Variants in FAM193A observed in about 807,000 individuals in gnomAD.
FAM193A encodes protein FAM193A.
Under a neutral mutation model 126.5 loss-of-function variants are expected in FAM193A, and 22 were observed. The observed-to-expected ratio is 0.17, with a 90% CI of 0.12 to 0.25. The LOEUF (loss-of-function observed/expected upper bound fraction) is 0.25, where lower values mean the gene tolerates loss of function less well. Ranked by LOEUF, FAM193A falls within the 10% of genes least tolerant of loss-of-function variation. The pLI, the probability that FAM193A is intolerant of heterozygous loss-of-function variation, is 1.00. For missense variants in FAM193A, 1,675 were observed against 1,672.8 expected (o/e 1.00, Z -0.02); for synonymous variants, 761 against 646.8 (o/e 1.18, Z -2.68).
intron 7 of FAM193A, among the ~76,000 whole-genome samples, 160 bp from the exon 8 acceptor site, chr4:2,657,643 C>G (rs1711871176): frequency 1.3e-5 from 2 of 152,088 alleles, no homozygotes; most frequent in South Asian, 2.1e-4. Flanking sequence ...AAAGAAATAC[C>G]TGTTAACATA....
intron 1 of FAM193A, among the ~76,000 whole-genome samples, chr4:2,585,267 G>A (rs1740169926): frequency 6.6e-6 from 1 of 152,202 alleles, no homozygotes; most frequent in African/African-American, 2.4e-5. Context: ...CTGGGTCATA[G>A]TCTACATGTA....
At chr4:2,549,148 A>G (rs1012477848) in intron 1 of FAM193A, among the ~76,000 whole-genome samples, 1 of 151,590 alleles carries the variant, frequency 6.6e-6, no homozygotes, top group African/African-American at 2.4e-5. Context: ...CATGTTGGCC[A>G]TGCTCGTCTT....
At chr4:2,658,417 T>C (rs1302913234) in intron 8 of FAM193A, among the ~76,000 whole-genome samples, 1 of 152,264 alleles carries the variant, frequency 6.6e-6, no homozygotes, top group African/African-American at 2.4e-5. Flanking sequence ...GCTCCACCTT[T>C]GCTGGAGCTG....
intron 1 of FAM193A, among the ~76,000 whole-genome samples, chr4:2,543,278 A>G (rs1737344565): frequency 6.6e-6 from 1 of 151,798 alleles, no homozygotes; most frequent in Non-Finnish European, 1.5e-5. Context: ...TAGTAGAGAC[A>G]GGGTTTCATC....
intron 2 of FAM193A, among the ~76,000 whole-genome samples, chr4:2,609,423 C>CT (rs1741728425): frequency 6.6e-6 from 1 of 152,040 alleles, no homozygotes; most frequent in Non-Finnish European, 1.5e-5. Context: ...GGCAAGTAGT[C>CT]TTAAGTTTCT....
At chr4:2,720,439 C>T (rs1720001963) in intron 20 of FAM193A, among the ~76,000 whole-genome samples, 1 of 151,956 alleles carries the variant, frequency 6.6e-6, no homozygotes, top group South Asian at 2.1e-4. Flanking sequence ...ATCACTTGAG[C>T]CCAGGAGTTT....
chr4:2,644,696 C>T (rs185461858), intron 6 of FAM193A, among the ~76,000 whole-genome samples: 12 of 152,240 alleles, frequency 7.9e-5, no homozygotes, highest in Admixed American at 6.5e-4. Flanking sequence ...GGTGAGTGCA[C>T]AGATGGCTTC....
chr4:2,680,072 G>A (rs1386932006), intron 13 of FAM193A, among the ~76,000 whole-genome samples: 1 of 151,804 alleles, frequency 6.6e-6, no homozygotes, highest in Non-Finnish European at 1.5e-5. Context: ...TGTTGGCCAG[G>A]CTGGTCTCAA....
intron 1 of FAM193A, among the ~76,000 whole-genome samples, chr4:2,594,104 C>T (rs1267522820): frequency 6.6e-6 from 1 of 152,068 alleles, no homozygotes; most frequent in African/African-American, 2.4e-5. Flanking sequence ...CAGTTTTGAT[C>T]ACTGGTTCAT....
At chr4:2,685,521 C>T (rs564374794) in intron 13 of FAM193A, among the ~76,000 whole-genome samples, 3 of 152,354 alleles carry the variant, frequency 2.0e-5, no homozygotes, top group African/African-American at 4.8e-5. Context: ...AGCCTGAAAA[C>T]TGGCACAGCC....
chr4:2,649,297 A>G (rs1302796699), intron 7 of FAM193A, among the ~76,000 whole-genome samples: 3 of 150,932 alleles, frequency 2.0e-5, no homozygotes, highest in Non-Finnish European at 4.4e-5. Context: ...ATCACTTAAG[A>G]CCAAGAGTTA....
chr4:2,615,491 T>G (rs1290328632), intron 2 of FAM193A, among the ~76,000 whole-genome samples: 1 of 152,144 alleles, frequency 6.6e-6, no homozygotes, highest in Non-Finnish European at 1.5e-5. Context: ...GACCCATGTT[T>G]TGTTCAGAAG....
chr4:2,685,479 A>G (rs1376388034), intron 13 of FAM193A, among the ~76,000 whole-genome samples: 4 of 152,218 alleles, frequency 2.6e-5, no homozygotes, highest in Admixed American at 2.0e-4. Flanking sequence ...TTCGACCTGC[A>G]TGTTCTTTTA....
chr4:2,561,573 T>C (rs1738617957), intron 1 of FAM193A, among the ~76,000 whole-genome samples: 1 of 150,192 alleles, frequency 6.7e-6, no homozygotes, highest in Non-Finnish European at 1.5e-5. Context: ...CTCGGCTCAC[T>C]GCAACCACTG....
At chr4:2,557,778 CTG>C (rs1398100206) in intron 1 of FAM193A, among the ~76,000 whole-genome samples, 1 of 152,004 alleles carries the variant, frequency 6.6e-6, no homozygotes, top group East Asian at 1.9e-4. Context: ...TGGTGAAACA[CTG>C]TCTCTACTAA....
At chr4:2,628,460 G>A (rs759683585) in intron 4 of FAM193A, among the ~76,000 whole-genome samples, 2 of 151,858 alleles carry the variant, frequency 1.3e-5, no homozygotes, top group Non-Finnish European at 2.9e-5. Flanking sequence ...GCAACATAGT[G>A]ACTTGTCTCT....
Position 2,640,000 on chromosome 4 carries a change from G to T in FAM193A, c.1163+141G>T. The T allele has an allele frequency of 6.4e-6, 5 of 781,314 alleles. No homozygotes were observed. In the South Asian group the frequency reaches 1.4e-4, roughly 22 times the overall value. The allele number at this position is 781,314 out of a possible 1,614,324, so 48.4% of individuals were successfully genotyped here. A position where few individuals can be genotyped will look rare whatever the true frequency, so the allele number is the denominator to read the frequency against. On this transcript the variant is annotated intron_variant, in intron 6 of 20. Coordinates refer to ENST00000637812, the MANE Select transcript of FAM193A (RefSeq NM_001366318.2). ...CAGGGCTTAAAGAAAAAGATAGTTT[G>T]GGCCAAAAGCTCAAAACCTGAGAAG...
chr4:2,544,778 A>G (rs1196309030), intron 1 of FAM193A, among the ~76,000 whole-genome samples: 2 of 152,070 alleles, frequency 1.3e-5, no homozygotes, highest in African/African-American at 4.8e-5. Context: ...CTCAGGCTAG[A>G]GAATTGCTTG....
chr4:2,692,026 G>A (rs1206497809), intron 15 of FAM193A, among the ~76,000 whole-genome samples: 1 of 152,178 alleles, frequency 6.6e-6, no homozygotes, highest in Non-Finnish European at 1.5e-5. Flanking sequence ...GGGGAATGGA[G>A]TATTTCTACT....
Sources: gnomAD v4.1 joint callset for allele counts (sites outside exome capture counted in the v4.1 genomes callset) on GRCh38, gnomAD v4.1.1 for gene constraint, MANE v1.5 for transcripts, NCBI Gene and HGNC (gene_info 2026-07-23, HGNC 2026-07-21) for gene names.